The following CLIC6 variants were observed in gnomAD, a reference collection of about 807,000 sequenced individuals.
CLIC6 encodes CLIC family member 6.
A neutral mutation model predicts 49.2 loss-of-function variants in CLIC6; 39 were observed. The ratio of observed to expected loss-of-function variants is 0.79; its 90% CI spans 0.61 to 1.04. The LOEUF (loss-of-function observed/expected upper bound fraction) is 1.04. Among genes scored for constraint, CLIC6 ranks in the 50% least tolerant of loss-of-function variants. The pLI is 0.00. For missense variants in CLIC6, 988 were observed against 993.1 expected, an observed-to-expected ratio of 0.99 and a Z score of 0.07; for synonymous variants, 446 against 433.4, an observed-to-expected ratio of 1.03 and a Z score of -0.36.
At chr21:34,694,036 G>T (rs1209526366) in intron 1 of CLIC6, among the ~76,000 whole-genome samples, 1 of 146,394 alleles carries the variant, frequency 6.8e-6, no homozygotes, top group Non-Finnish European at 1.5e-5. Context: ...GCAGTGGCAC[G>T]ATCTCGGCTC....
chr21:34,674,104 T>C (rs1379737481), intron 1 of CLIC6, among the ~76,000 whole-genome samples: 2 of 152,216 alleles, frequency 1.3e-5, no homozygotes, highest in African/African-American at 4.8e-5. Context: ...TGGGAACTCC[T>C]AGCTTTCACA....
intron 1 of CLIC6, among the ~76,000 whole-genome samples, chr21:34,678,130 C>T (rs941217626): frequency 1.2e-4 from 3 of 25,110 alleles, no homozygotes; most frequent in African/African-American, 5.2e-4. Context: ...TATTACTGGG[C>T]CCTTTAAGAA....
chr21:34,669,919 C>T lies in CLIC6; in HGVS notation c.531C>T (p.Gly177=), dbSNP rs752208168. Residue 177 remains glycine, a synonymous_variant, in exon 1 of 6, where the codon GGC becomes GGT. Coordinates refer to ENST00000349499, the MANE Select transcript of CLIC6 (RefSeq NM_053277.3). The stretch of plus-strand genomic sequence containing the variant: ...ACATAGAAGCGGAGGGCCCGGCGGG[C>T]GACAGCGTAGAGGCGGAGGGCCGGG... ...GDNIEAEGPA[G]DSVEAEGRVG... The T allele has an allele frequency of 1.0e-5, 12 of 1,182,464 alleles. No individual in the cohort carries two copies. In the African/African-American group the frequency reaches 2.2e-4, roughly 22 times the overall value. 73.2% of individuals were successfully genotyped at this position (1,182,464 alleles called of 1,614,324 possible).
chr21:34,710,866 AGTCCCCGACCCACTGCCTGC>A (rs2056052182), intron 5 of CLIC6, among the ~76,000 whole-genome samples: 1 of 152,174 alleles, frequency 6.6e-6, no homozygotes, highest in Non-Finnish European at 1.5e-5. Context: ...AAGAAATGTA[AGTCCCCGACCCACTGCCTGC>A]GCTAGTAAAT....
intron 1 of CLIC6, among the ~76,000 whole-genome samples, chr21:34,686,724 C>A (rs561298890): frequency 6.6e-6 from 1 of 152,288 alleles, no homozygotes; most frequent in Non-Finnish European, 1.5e-5. Context: ...TAGCTGAGCC[C>A]AGCCTTCCAG....
chr21:34,672,751 G>A (rs1047135231), intron 1 of CLIC6, among the ~76,000 whole-genome samples: 1 of 152,226 alleles, frequency 6.6e-6, no homozygotes, highest in African/African-American at 2.4e-5. Flanking sequence ...TCTTGGCTTT[G>A]CTAATTTCTT....
chr21:34,693,009 C>T lies in CLIC6; in HGVS notation c.1375-14271C>T, dbSNP rs7281850. On this transcript the variant is annotated intron_variant, in intron 1 of 5. Transcript: ENST00000349499. Reference sequence around the variant, plus strand: ...CCACCCCTTGTTCTTTAATGAGAGTCGAGAAATAATTTACCAATCGTAAAT... The same window carrying T: ...CCACCCCTTGTTCTTTAATGAGAGTTGAGAAATAATTTACCAATCGTAAAT... Among the ~76,000 whole-genome samples, 401 of 152,290 alleles carry T rather than the reference C, an allele frequency of 2.6e-3. 3 individuals carry two copies. The highest frequency in any genetic ancestry group is 9.1e-3 in the African/African-American group (378 of 41,552).
At position 34,716,801 on chromosome 21, in the gene CLIC6, G is replaced by C. The variant is rs531310007; in HGVS notation, c.*319G>C. The stretch of plus-strand genomic sequence containing the variant: ...CCACTTAATTACCGAAAACTTACTG[G>C]AGAACATGTTCCAAATCTTCAGTAT... On this transcript the variant is annotated 3_prime_UTR_variant, in exon 6 of 6. Coordinates refer to ENST00000349499, the MANE Select transcript of CLIC6 (RefSeq NM_053277.3). 5.7e-5 allele frequency: 10 copies of C among 174,984 alleles called. No homozygotes were observed. In the South Asian group the frequency reaches 1.4e-3, roughly 24 times the overall value. The allele number at this position is 174,984 out of a possible 1,614,324, so 10.8% of individuals were successfully genotyped here. A position where few individuals can be genotyped will look rare whatever the true frequency, so the allele number is the denominator to read the frequency against.
At chr21:34,699,516 G>A (rs191406961) in intron 1 of CLIC6, among the ~76,000 whole-genome samples, 1 of 150,886 alleles carries the variant, frequency 6.6e-6, no homozygotes, top group Non-Finnish European at 1.5e-5. Flanking sequence ...TGCCCACCTC[G>A]GCCTTCCCAA....
Position 34,670,210 on chromosome 21 carries a change from C to T in CLIC6, c.822C>T (p.Gly274=), listed in dbSNP as rs13049002. 1.6e-5 allele frequency: 23 copies of T among 1,402,506 alleles called. No individual in the cohort carries two copies. In the East Asian group the frequency reaches 5.4e-4, roughly 33 times the overall value. 86.9% of individuals were successfully genotyped at this position (1,402,506 alleles called of 1,614,324 possible). A position where few individuals can be genotyped will look rare whatever the true frequency, so the allele number is the denominator to read the frequency against. The part of the protein sequence containing the change: ...VPAGDSVEAE[G]PAGDSMDAEG... ...CGGGGGACAGCGTAGAAGCCGAAGG[C>T]CCGGCGGGGGACAGCATGGACGCCG... Residue 274 remains glycine, a synonymous_variant, in exon 1 of 6, where the codon GGC becomes GGT. Transcript: ENST00000349499.
intron 1 of CLIC6, among the ~76,000 whole-genome samples, chr21:34,705,868 G>A (rs2056010865): frequency 1.3e-5 from 2 of 152,174 alleles, no homozygotes; most frequent in African/African-American, 4.8e-5. Flanking sequence ...GACTAAGGCT[G>A]AACTTCTCAC....
At chr21:34,681,293 A>C (rs1989776369) in intron 1 of CLIC6, among the ~76,000 whole-genome samples, 1 of 152,204 alleles carries the variant, frequency 6.6e-6, no homozygotes, top group South Asian at 2.1e-4. Flanking sequence ...CAAGAACAGC[A>C]TGGGGGAAAC....
intron 1 of CLIC6, among the ~76,000 whole-genome samples, chr21:34,687,047 G>A (rs116043012): frequency 0.052 from 7,869 of 152,226 alleles, 678 homozygotes; most frequent in African/African-American, 0.18. Flanking sequence ...ATAAATTGTG[G>A]GTAATTTGTT....
rs377400564 is a variant in CLIC6 at position 34,696,665 on chromosome 21, A to G, written c.1375-10615A>G. On this transcript the variant is annotated intron_variant, in intron 1 of 5. Coordinates refer to ENST00000349499, the MANE Select transcript of CLIC6 (RefSeq NM_053277.3). Reference sequence around the variant, plus strand: ...ATCTGAGTTGATACAAGTGCTCAGAACCATGAGTAGTACAGAGCACATGCT... The same window carrying G: ...ATCTGAGTTGATACAAGTGCTCAGAGCCATGAGTAGTACAGAGCACATGCT... 5.6e-4 allele frequency among the ~76,000 whole-genome samples: 86 copies of G among 152,374 alleles called. No homozygotes were observed. The South Asian group carries it at 9.3e-3, about 17-fold the overall frequency.
At chr21:34,688,782 G>T (rs1188940793) in intron 1 of CLIC6, among the ~76,000 whole-genome samples, 1 of 152,208 alleles carries the variant, frequency 6.6e-6, no homozygotes, top group East Asian at 1.9e-4. Flanking sequence ...CTCTAAGGGA[G>T]ACTTGACTTG....
intron 1 of CLIC6, among the ~76,000 whole-genome samples, chr21:34,686,581 C>T (rs1011357448): frequency 2.6e-5 from 4 of 152,192 alleles, no homozygotes; most frequent in African/African-American, 9.6e-5. Context: ...TACTTCGTAA[C>T]CAGCAGAATA....
chr21:34,694,859 T>C (rs1407976273), intron 1 of CLIC6, among the ~76,000 whole-genome samples: 1 of 152,214 alleles, frequency 6.6e-6, no homozygotes, highest in African/African-American at 2.4e-5. Context: ...GCAGAGTGGC[T>C]CTATGCAGGA....
Position 34,678,247 on chromosome 21 carries a change from C to T in CLIC6, c.1374+7485C>T, listed in dbSNP as rs982754472. On this transcript the variant is annotated intron_variant, in intron 1 of 5. Coordinates refer to ENST00000349499, the MANE Select transcript of CLIC6 (RefSeq NM_053277.3). ...GAGATTGAGACCATCCTGGCCAACACGGTGCAACCCCGTCTCTACTAAAAA... is the reference window on the plus strand; with the variant it reads ...GAGATTGAGACCATCCTGGCCAACATGGTGCAACCCCGTCTCTACTAAAAA... Among the ~76,000 whole-genome samples, 4 of 149,138 alleles carry T rather than the reference C, an allele frequency of 2.7e-5. 1 individual carries two copies. The highest frequency in any genetic ancestry group is 5.9e-5 in the Non-Finnish European group (4 of 67,544).
chr21:34,714,549 A>G (rs953396597), intron 5 of CLIC6, among the ~76,000 whole-genome samples: 1 of 152,068 alleles, frequency 6.6e-6, no homozygotes, highest in Non-Finnish European at 1.5e-5. Context: ...TTAGCTAGGT[A>G]TGGTGGTGCA....
Sources: gnomAD v4.1 joint callset for allele counts (sites outside exome capture counted in the v4.1 genomes callset) on GRCh38, gnomAD v4.1.1 for gene constraint, MANE v1.5 for transcripts, NCBI Gene and HGNC (gene_info 2026-07-23, HGNC 2026-07-21) for gene names.